Variants in CRYBA4 observed in about 807,000 individuals in gnomAD.
The protein encoded by CRYBA4 is crystallin beta A4, also known as beta-crystallin A4.
Under a neutral mutation model 31.7 loss-of-function variants are expected in CRYBA4, and 30 were observed. The ratio of observed to expected loss-of-function variants is 0.95; its 90% CI spans 0.71 to 1.28. The LOEUF (loss-of-function observed/expected upper bound fraction) is 1.28. CRYBA4 is among the 50% of genes most tolerant of loss of function. The pLI, the probability that CRYBA4 is intolerant of heterozygous loss-of-function variation, is 0.00. For synonymous variants in CRYBA4, 102 were observed against 102.3 expected, an observed-to-expected ratio of 1.00 and a Z score of 0.02; for missense variants, 225 against 260.7, an observed-to-expected ratio of 0.86 and a Z score of 0.94.
chr22:26,601,739 C>T, the CRYBA4 span: 1,190 of 1,429,582 alleles, frequency 8.3e-4, 6 homozygotes, highest in Non-Finnish European at 1.0e-3. Context: ...TTGGCTGATC[C>T]CAGGAACCAG....
chr22:26,612,103 G>A, the CRYBA4 span: 2 of 1,613,666 alleles, frequency 1.2e-6, no homozygotes, highest in East Asian at 2.2e-5. Context: ...CTGCGCACAC[G>A]GTCGAAGCCA....
chr22:26,599,476 A>G, the CRYBA4 span: 1 of 1,603,432 alleles, frequency 6.2e-7, no homozygotes, highest in Non-Finnish European at 8.5e-7. Flanking sequence ...AAGGTAGCAG[A>G]GTGAGGTGTG....
At chr22:26,599,334 C>G in the CRYBA4 span, 2 of 675,946 alleles carry the variant, frequency 3.0e-6, no homozygotes, top group Admixed American at 5.5e-5. Flanking sequence ...GCGAGGAAGT[C>G]ACATCCCAGT....
the CRYBA4 span, chr22:26,608,109 C>G: frequency 1.2e-6 from 2 of 1,603,988 alleles, no homozygotes; most frequent in Admixed American, 3.3e-5. Flanking sequence ...TCTCCCCTGG[C>G]AAGGCAGCCC....
At chr22:26,607,908 G>T in the CRYBA4 span, 1 of 1,614,178 alleles carries the variant, frequency 6.2e-7, no homozygotes, top group Non-Finnish European at 8.5e-7. Context: ...GGGCCGGAAG[G>T]ACATGAGCCG....
At chr22:26,617,047 T>C (rs1046047432), upstream of CRYBA4, among the ~76,000 whole-genome samples, 1 of 152,246 alleles carries the variant, frequency 6.6e-6, no homozygotes, top group South Asian at 2.1e-4. Flanking sequence ...TCCCAGCTCC[T>C]TTCCCCGTCT....
At chr22:26,627,334 C>CCCTCCCTCCCTCCCTCCCT (rs1929730862) in intron 4 of CRYBA4, among the ~76,000 whole-genome samples, 1 of 25,114 alleles carries the variant, frequency 4.0e-5, no homozygotes, top group African/African-American at 2.6e-4. Flanking sequence ...CTTTTCCTTT[C>CCCTCCCTCCCTCCCTCCCT]CCCTCCCTCC....
At chr22:26,599,745 C>T in the CRYBA4 span, 3 of 1,190,468 alleles carry the variant, frequency 2.5e-6, no homozygotes, top group Non-Finnish European at 3.7e-6. Context: ...CCCTGCCAGA[C>T]CAGCCTGTCC....
At chr22:26,599,814 G>A in the CRYBA4 span, 1 of 738,930 alleles carries the variant, frequency 1.4e-6, no homozygotes, top group South Asian at 1.5e-5. Context: ...ATCCCTTCCT[G>A]CTCTGTGCCC....
chr22:26,622,657 G>A (rs372303240), intron 2 of CRYBA4, 22 bp downstream of exon 2: 1 of 1,574,196 alleles, frequency 6.4e-7, no homozygotes. Context: ...CATGGGGAGG[G>A]GGTGTTCAGG....
At chr22:26,629,289 C>CT (rs1052935023) in intron 5 of CRYBA4, among the ~76,000 whole-genome samples, 4 of 144,098 alleles carry the variant, frequency 2.8e-5, no homozygotes, top group East Asian at 4.0e-4. Flanking sequence ...TTTTTTTTTT[C>CT]TTTTTTTGGC....
chr22:26,628,801 C>T (rs1929829720), intron 5 of CRYBA4, among the ~76,000 whole-genome samples: 1 of 152,178 alleles, frequency 6.6e-6, no homozygotes, highest in Admixed American at 6.5e-5. Context: ...TTACATCCAG[C>T]CCTAGGGAAA....
the CRYBA4 span, among the ~76,000 whole-genome samples, chr22:26,598,855 T>A: frequency 8.0e-3 from 1,226 of 152,312 alleles, 16 homozygotes; most frequent in African/African-American, 0.028. Flanking sequence ...TGAGGGGGGA[T>A]GCTCAACTGG....
At chr22:26,596,705 T>C in the CRYBA4 span, 8 of 152,342 alleles carry the variant, frequency 5.3e-5, no homozygotes, top group Non-Finnish European at 1.2e-4. Flanking sequence ...TGGACTCCAC[T>C]GCAGTAGAAT....
At chr22:26,607,291 G>A in the CRYBA4 span, among the ~76,000 whole-genome samples, 1 of 151,954 alleles carries the variant, frequency 6.6e-6, no homozygotes, top group Admixed American at 6.6e-5. Context: ...CAAAGTGCTG[G>A]GATTACAGGC....
the CRYBA4 span, among the ~76,000 whole-genome samples, chr22:26,602,507 C>T: frequency 6.6e-6 from 1 of 151,612 alleles, no homozygotes; most frequent in Admixed American, 6.6e-5. Context: ...AGGAGGATTG[C>T]TTGAGCCCAG....
At chr22:26,595,200 T>G in the CRYBA4 span, among the ~76,000 whole-genome samples, 1 of 152,256 alleles carries the variant, frequency 6.6e-6, no homozygotes, top group Non-Finnish European at 1.5e-5. Flanking sequence ...AAATATAAAA[T>G]GACTTTAATT....
chr22:26,591,071 C>A, the CRYBA4 span, among the ~76,000 whole-genome samples: 18 of 152,244 alleles, frequency 1.2e-4, no homozygotes, highest in African/African-American at 4.3e-4. Context: ...TATATATTAT[C>A]TGTTTAAAAT....
At chr22:26,602,985 C>T in the CRYBA4 span, among the ~76,000 whole-genome samples, 211 of 151,778 alleles carry the variant, frequency 1.4e-3, 3 homozygotes, top group Admixed American at 0.014. Context: ...ATTAGCCGGG[C>T]GTGGTGGTGG....
Sources: allele counts gnomAD v4.1 joint callset (sites outside exome capture counted in the v4.1 genomes callset), GRCh38; gene constraint gnomAD v4.1.1; transcripts MANE v1.5; gene names NCBI Gene and HGNC (gene_info 2026-07-23, HGNC 2026-07-21).